Variants in NRG1 observed in about 807,000 individuals in gnomAD.
The protein encoded by NRG1 is pro-neuregulin-1, membrane-bound isoform.
NRG1 carries 18 observed loss-of-function variants against 63.8 expected under a neutral mutation model. The observed-to-expected ratio is 0.28, with a 90% confidence interval of 0.19 to 0.42. The LOEUF (loss-of-function observed/expected upper bound fraction) is 0.42, where lower values mean the gene tolerates loss of function less well. Ranked by LOEUF, NRG1 falls within the 10% of genes least tolerant of loss-of-function variation. NRG1 has a pLI of 1.00. For synonymous variants in NRG1, 302 were observed against 301.3 expected (o/e 1.00, Z -0.02); for missense variants, 762 against 814.7 (o/e 0.94, Z 0.79).
chr8:32,497,215 G>C (rs1047838496), intron 1 of NRG1, among the ~76,000 whole-genome samples: 1 of 152,112 alleles, frequency 6.6e-6, no homozygotes, highest in Non-Finnish European at 1.5e-5. Context: ...GGGAGGCCGA[G>C]GCAGGTGGAT....
chr8:32,258,328 A>G (rs1025899719), intron 1 of NRG1, among the ~76,000 whole-genome samples: 7 of 152,212 alleles, frequency 4.6e-5, no homozygotes, highest in Middle Eastern at 3.2e-3. Flanking sequence ...ATAACAGCTG[A>G]TCTTTATATA....
At chr8:31,948,183 T>C (rs914630270) in intron 1 of NRG1, among the ~76,000 whole-genome samples, 3 of 152,188 alleles carry the variant, frequency 2.0e-5, no homozygotes, top group South Asian at 2.1e-4. Context: ...TTTCATTTTC[T>C]TTTCTTTCCT....
intron 1 of NRG1, among the ~76,000 whole-genome samples, chr8:31,653,376 A>G (rs1207795822): frequency 1.3e-5 from 2 of 152,138 alleles, no homozygotes; most frequent in Non-Finnish European, 2.9e-5. Flanking sequence ...ATATATAACA[A>G]GTAAAATGCG....
chr8:32,199,310 C>T (rs947664535), intron 1 of NRG1, among the ~76,000 whole-genome samples: 1 of 152,154 alleles, frequency 6.6e-6, no homozygotes, highest in Non-Finnish European at 1.5e-5. Context: ...CAGCTAGATA[C>T]TTTCTGCTTT....
chr8:32,321,481 T>TAAA (rs74795735), intron 1 of NRG1, among the ~76,000 whole-genome samples: 4 of 141,062 alleles, frequency 2.8e-5, no homozygotes, highest in African/African-American at 7.7e-5. Flanking sequence ...TTACCACCTG[T>TAAA]AAAAAAAAAA....
rs141771276 is a variant in NRG1 at position 32,635,491 on chromosome 8, C to T, written c.502+18606C>T. Among the ~76,000 whole-genome samples the T allele has an allele frequency of 3.3e-5, 5 of 152,270 alleles. No individual in the cohort carries two copies. In the East Asian group the frequency reaches 9.6e-4, roughly 29 times the overall value. Reference sequence around the variant, plus strand: ...ATTTCCTGATCAGTTGGCTGAATTACAGTCATGCCATTTCATTTTGAGTTG... The same window carrying T: ...ATTTCCTGATCAGTTGGCTGAATTATAGTCATGCCATTTCATTTTGAGTTG... On this transcript the variant is annotated intron_variant, in intron 5 of 11. Transcript: ENST00000356819.
At chr8:31,723,806 T>C (rs1408015021) in intron 1 of NRG1, among the ~76,000 whole-genome samples, 1 of 152,148 alleles carries the variant, frequency 6.6e-6, no homozygotes, top group East Asian at 1.9e-4. Context: ...TGAGACCTAC[T>C]TGGATTGAGT....
intron 1 of NRG1, among the ~76,000 whole-genome samples, chr8:31,714,673 T>C (rs561110438): frequency 2.6e-5 from 4 of 152,288 alleles, no homozygotes; most frequent in Admixed American, 2.6e-4. Context: ...TCTATATGCA[T>C]CTATCCATGT....
At chr8:32,171,025 CTT>C (rs1839968741) in intron 1 of NRG1, among the ~76,000 whole-genome samples, 1 of 152,242 alleles carries the variant, frequency 6.6e-6, no homozygotes, top group Admixed American at 6.5e-5. Flanking sequence ...ATCATTTACT[CTT>C]GTCCATTAGC....
chr8:32,646,615 A>G (rs1224250378), intron 5 of NRG1: 1 of 886,212 alleles, frequency 1.1e-6, no homozygotes, highest in Non-Finnish European at 1.4e-6. Flanking sequence ...CTCTGACCCA[A>G]CAGTGGGTGA....
intron 1 of NRG1, among the ~76,000 whole-genome samples, chr8:32,499,669 G>A (rs1052133761): frequency 6.6e-6 from 1 of 152,084 alleles, no homozygotes; most frequent in Admixed American, 6.5e-5. Flanking sequence ...GTGAGATCCT[G>A]TCTTAAAAAT....
intron 1 of NRG1, among the ~76,000 whole-genome samples, chr8:31,667,417 T>G (rs1023754960): frequency 6.6e-6 from 1 of 152,138 alleles, no homozygotes; most frequent in Non-Finnish European, 1.5e-5. Flanking sequence ...GATTCCCCCA[T>G]CCCCTGCTCC....
rs1824706289 is a variant in NRG1, at chr8:31,827,718, CTCT to C, written c.37+188295_37+188297del. Among the ~76,000 whole-genome samples, 3 of 152,316 alleles carry C rather than the reference CTCT, an allele frequency of 2.0e-5. No homozygotes were observed. The South Asian group carries it at 6.2e-4, about 32-fold the overall frequency. ...TCTGCCTCAACTTTTTCTTTTACCTCTCTTCTTCTTTCTCTTTATTCGATTGTT... is the reference window on the plus strand; with the variant it reads ...TCTGCCTCAACTTTTTCTTTTACCTCTCTTCTTTCTCTTTATTCGATTGTT... On this transcript the variant is annotated intron_variant, in intron 1 of 10. Coordinates refer to the NRG1 transcript ENST00000519301.
intron 1 of NRG1, among the ~76,000 whole-genome samples, chr8:32,169,097 G>A (rs1343525285): frequency 6.6e-6 from 1 of 152,092 alleles, no homozygotes; most frequent in Non-Finnish European, 1.5e-5. Context: ...AATAATTTAA[G>A]CTTCTAAAAT....
At chr8:32,716,838 G>A (rs1392946639) in intron 5 of NRG1, among the ~76,000 whole-genome samples, 3 of 151,936 alleles carry the variant, frequency 2.0e-5, no homozygotes, top group African/African-American at 7.3e-5. Context: ...GTGTGTGTGT[G>A]TGTGCATAGC....
chr8:32,051,530 A>G (rs1821975555), intron 1 of NRG1, among the ~76,000 whole-genome samples: 1 of 152,218 alleles, frequency 6.6e-6, no homozygotes, highest in Non-Finnish European at 1.5e-5. Context: ...AGGGACATCT[A>G]ACTCCAACAG....
At chr8:32,115,626 T>C (rs1444767746) in intron 1 of NRG1, among the ~76,000 whole-genome samples, 1 of 152,144 alleles carries the variant, frequency 6.6e-6, no homozygotes, top group Non-Finnish European at 1.5e-5. Context: ...CGCATGTAAG[T>C]GGACCCACGC....
At chr8:31,796,310 A>G (rs186210082) in intron 1 of NRG1, among the ~76,000 whole-genome samples, 1 of 151,120 alleles carries the variant, frequency 6.6e-6, no homozygotes, top group East Asian at 2.0e-4. Flanking sequence ...CAGGTAGGAT[A>G]TCTATCACCC....
At chr8:32,242,544 C>G (rs1179240593) in intron 1 of NRG1, among the ~76,000 whole-genome samples, 1 of 152,122 alleles carries the variant, frequency 6.6e-6, no homozygotes, top group African/African-American at 2.4e-5. Flanking sequence ...CACTTAAGTT[C>G]TCAAATAGTG....
Sources: gnomAD v4.1 joint callset for allele counts (sites outside exome capture counted in the v4.1 genomes callset) on GRCh38, gnomAD v4.1.1 for gene constraint, MANE v1.5 for transcripts, NCBI Gene and HGNC (gene_info 2026-07-23, HGNC 2026-07-21) for gene names.